GIMAP2: variants seen among roughly 807,000 people sequenced by gnomAD.
GIMAP2 encodes GTPase IMAP family member 2.
In GIMAP2, 22 loss-of-function variants were observed where a neutral mutation model predicts 25.5. That is an observed-to-expected ratio of 0.86 (90% CI 0.62 to 1.23). The LOEUF (loss-of-function observed/expected upper bound fraction) is 1.23. GIMAP2 is among the 50% of genes most tolerant of loss of function. The pLI is 0.00. For missense variants in GIMAP2, 422 were observed against 395.7 expected, an observed-to-expected ratio of 1.07 and a Z score of -0.56; for synonymous variants, 167 against 143.0, an observed-to-expected ratio of 1.17 and a Z score of -1.20.
At chr7:150,689,228 G>A (rs762674514) in intron 2 of GIMAP2, among the ~76,000 whole-genome samples, 1 of 152,182 alleles carries the variant, frequency 6.6e-6, no homozygotes, top group Non-Finnish European at 1.5e-5. Flanking sequence ...TCACTTTGCT[G>A]CACTTGGATA....
chr7:150,693,202 T>C lies in GIMAP2; in HGVS notation c.916T>C (p.Cys306Arg), dbSNP rs1796990017. ...GTTTTGTTGCTTACTCTTTAGTATG[T>C]GCAATTTATTCTGCAGTTTGCTGTT... ...NLFCCLLFSM[C>R]NLFCSLLFII... Residue 306 changes from cysteine (C) to arginine (R), a missense_variant, in exon 3 of 3, where the codon TGC becomes CGC. Physicochemically the swap from Cys to Arg is radical, Grantham distance 180. Transcript: ENST00000223293. The C allele has an allele frequency of 6.2e-7, 1 of 1,611,336 alleles. No homozygotes were observed. The highest frequency in any genetic ancestry group is 1.7e-5 in the Admixed American group (1 of 59,986).
rs913885573 is a variant in GIMAP2, at chr7:150,692,843, C to G, written c.557C>G (p.Ala186Gly). ...GGRICAFNNRAEGSNQDDQVK... is the reference protein window; with the variant it reads ...GGRICAFNNRGEGSNQDDQVK... ...CGAATCTGTGCCTTTAATAACCGTG[C>G]TGAAGGGAGCAATCAGGATGACCAA... The change falls in exon 3 of 3, where the codon GCT (alanine) becomes GGT (glycine). Residue 186 changes from alanine to glycine, a missense_variant. Transcript: ENST00000223293. 5 of 1,614,146 alleles carry G rather than the reference C, an allele frequency of 3.1e-6. No individual in the cohort carries two copies. Among genetic ancestry groups the G allele is most frequent in the Non-Finnish European group, 4.2e-6 (5 of 1,180,014 alleles).
intron 2 of GIMAP2, chr7:150,689,389 C>A: frequency 1.6e-6 from 1 of 630,190 alleles, no homozygotes; most frequent in Non-Finnish European, 2.9e-6. Flanking sequence ...TCCCTATACC[C>A]TCCCCATGGG....
intron 2 of GIMAP2, among the ~76,000 whole-genome samples, chr7:150,692,060 A>G (rs1796970693): frequency 1.1e-5 from 1 of 91,784 alleles, no homozygotes; most frequent in Non-Finnish European, 2.6e-5. Context: ...TACTAAAACT[A>G]CCAAAAAAAA....
intron 2 of GIMAP2, chr7:150,689,603 G>T (rs936443810): frequency 2.9e-6 from 2 of 696,874 alleles, no homozygotes. Flanking sequence ...TGTAATGCCT[G>T]CTTCCTTTTA....
chr7:150,692,364 C>G lies in GIMAP2; in HGVS notation c.78C>G (p.Ile26Met). 6.2e-7 allele frequency: 1 copy of G among 1,614,126 alleles called. No homozygotes were observed. Among genetic ancestry groups the G allele is most frequent in the Non-Finnish European group, 8.5e-7 (1 of 1,179,978 alleles). ...CCAGCAGATCTGAGCTGAGAATCAT[C>G]CTGGTGGGCAAAACAGGAACTGGCA... ...QCASRSELRI[I>M]LVGKTGTGKS... Residue 26 changes from isoleucine to methionine, a missense_variant, in exon 3 of 3, where the codon ATC becomes ATG. Physicochemically the swap from Ile to Met is conservative, Grantham distance 10. Transcript: ENST00000223293.
chr7:150,688,813 G>A (rs896932633), intron 2 of GIMAP2, among the ~76,000 whole-genome samples: 2 of 152,188 alleles, frequency 1.3e-5, no homozygotes, highest in African/African-American at 2.4e-5. Context: ...ACCCTCCACT[G>A]TGCGAGAACA....
intron 2 of GIMAP2, among the ~76,000 whole-genome samples, chr7:150,688,833 C>T (rs1042075925): frequency 1.3e-5 from 2 of 152,318 alleles, no homozygotes; most frequent in South Asian, 2.1e-4. Context: ...ACTGTGGAGT[C>T]GCCACAGGGC....
At chr7:150,687,227 A>ACCAC (rs1273599964) in intron 2 of GIMAP2, 140 bp downstream of exon 2, 1 of 694,878 alleles carries the variant, frequency 1.4e-6, no homozygotes, top group Non-Finnish European at 2.5e-6. Context: ...CACAGCTACC[A>ACCAC]CCACCAGCAG....
chr7:150,686,966 A>AAGAG (rs1165464593), intron 1 of GIMAP2, 86 bp from the exon 2 acceptor site: 3 of 964,692 alleles, frequency 3.1e-6, no homozygotes, highest in East Asian at 2.6e-5. Context: ...AAAAAAAAGA[A>AAGAG]AGAAAGAAAA....
Position 150,692,748 on chromosome 7 carries a change from C to T in GIMAP2, c.462C>T (p.Gly154=), listed in dbSNP as rs61730412. 3.0e-4 allele frequency: 488 copies of T among 1,614,178 alleles called. 2 individuals are homozygous for T. The African/African-American group carries it at 5.9e-3, about 20-fold the overall frequency. ...LFTHKEDLNG[G]SLMDYMHDSD... ...CCCACAAGGAAGACCTCAATGGTGG[C>T]TCCCTGATGGATTACATGCACGACT... Residue 154 remains glycine (G), a synonymous_variant, in exon 3 of 3, where the codon GGC becomes GGT. Coordinates refer to ENST00000223293, the MANE Select transcript of GIMAP2 (RefSeq NM_015660.3).
chr7:150,692,224 CA>C (rs368597010), intron 2 of GIMAP2, 90 bp from the exon 3 acceptor site: 12,185 of 1,068,018 alleles, frequency 0.011, 335 homozygotes, highest in African/African-American at 0.11. Context: ...GACTCCGTCT[CA>C]AAAAAAAAAG....
intron 2 of GIMAP2, 28 bp from the exon 3 acceptor site, chr7:150,692,287 G>C (rs199711863): frequency 6.2e-7 from 1 of 1,604,068 alleles, no homozygotes; most frequent in Non-Finnish European, 8.5e-7. Context: ...TCAGTGTAGC[G>C]ATAACACAGT....
At chr7:150,691,923 T>G (rs1796968978) in intron 2 of GIMAP2, among the ~76,000 whole-genome samples, 1 of 152,176 alleles carries the variant, frequency 6.6e-6, no homozygotes, top group Non-Finnish European at 1.5e-5. Context: ...GAATACCTCC[T>G]TATCATTAAA....
chr7:150,692,004 C>A (rs568862739), intron 2 of GIMAP2, among the ~76,000 whole-genome samples: 36 of 151,492 alleles, frequency 2.4e-4, no homozygotes, highest in African/African-American at 8.5e-4. Flanking sequence ...CCGAGGCGGG[C>A]GGATCACGAT....
chr7:150,692,603 C>T lies in GIMAP2; in HGVS notation c.317C>T (p.Pro106Leu), dbSNP rs779905535. ...QRCYLLSAPG[P>L]HVLLLVTQLG... Reference sequence around the variant, plus strand: ...TGCTACTTGCTGTCTGCACCAGGACCCCATGTGCTGCTCCTGGTGACTCAG... The same window carrying T: ...TGCTACTTGCTGTCTGCACCAGGACTCCATGTGCTGCTCCTGGTGACTCAG... Residue 106 changes from proline to leucine, a missense_variant, in exon 3 of 3, where the codon CCC becomes CTC. Coordinates refer to ENST00000223293, the MANE Select transcript of GIMAP2 (RefSeq NM_015660.3). 3.7e-6 allele frequency: 6 copies of T among 1,613,924 alleles called. No homozygotes were observed. Among genetic ancestry groups the T allele is most frequent in the South Asian group, 3.3e-5 (3 of 91,076 alleles).
intron 2 of GIMAP2, among the ~76,000 whole-genome samples, chr7:150,691,212 A>G (rs1796962609): frequency 1.3e-5 from 2 of 152,152 alleles, no homozygotes; most frequent in African/African-American, 4.8e-5. Context: ...CTCCACTACA[A>G]AGCTGCATCT....
intron 2 of GIMAP2, among the ~76,000 whole-genome samples, chr7:150,690,857 A>T (rs998517783): frequency 6.6e-6 from 1 of 152,168 alleles, no homozygotes; most frequent in African/African-American, 2.4e-5. Flanking sequence ...CCAGCTCCAG[A>T]TTCTTTTTTT....
chr7:150,688,072 C>T (rs147332496), intron 2 of GIMAP2, among the ~76,000 whole-genome samples: 127 of 152,128 alleles, frequency 8.3e-4, no homozygotes, highest in African/African-American at 2.8e-3. Flanking sequence ...AAATGAGAAA[C>T]AACTTTTTTT....
Sources: gnomAD v4.1 joint callset for allele counts (sites outside exome capture counted in the v4.1 genomes callset) on GRCh38, gnomAD v4.1.1 for gene constraint, MANE v1.5 for transcripts, NCBI Gene and HGNC (gene_info 2026-07-23, HGNC 2026-07-21) for gene names.